The following SLC4A4 variants were observed in gnomAD, a reference collection of about 807,000 sequenced individuals.
The protein encoded by SLC4A4 is solute carrier family 4 member 4.
A neutral mutation model predicts 111.5 loss-of-function variants in SLC4A4; 27 were observed. The ratio of observed to expected loss-of-function variants is 0.24; its 90% CI spans 0.18 to 0.33. SLC4A4 has a LOEUF of 0.33. Among genes scored for constraint, SLC4A4 ranks in the 10% least tolerant of loss-of-function variants. The pLI, the probability that SLC4A4 is intolerant of heterozygous loss-of-function variation, is 1.00. For missense variants in SLC4A4, 909 were observed against 1,315.5 expected, an observed-to-expected ratio of 0.69 and a Z score of 4.78; for synonymous variants, 443 against 463.4, an observed-to-expected ratio of 0.96 and a Z score of 0.57.
intron 7 of SLC4A4, among the ~76,000 whole-genome samples, chr4:71,414,033 G>C (rs1721622759): frequency 6.6e-6 from 1 of 152,140 alleles, no homozygotes; most frequent in Admixed American, 6.5e-5. Flanking sequence ...GTGCAAAGAT[G>C]GTCTAATGCA....
intron 5 of SLC4A4, among the ~76,000 whole-genome samples, chr4:71,352,555 T>C (rs147139594): frequency 6.6e-6 from 1 of 151,922 alleles, no homozygotes; most frequent in East Asian, 1.9e-4. Flanking sequence ...TGTTGGGGAG[T>C]TTTAATTAAA....
intron 2 of SLC4A4, among the ~76,000 whole-genome samples, chr4:71,251,278 T>G (rs889000839): frequency 6.6e-6 from 1 of 152,214 alleles, no homozygotes; most frequent in African/African-American, 2.4e-5. Context: ...GTAAGTTTTT[T>G]GTTTGCCAGA....
At chr4:71,387,511 T>C (rs1314405290) in intron 6 of SLC4A4, among the ~76,000 whole-genome samples, 3 of 152,218 alleles carry the variant, frequency 2.0e-5, no homozygotes, top group Non-Finnish European at 4.4e-5. Context: ...TTTATTTTTT[T>C]GAAATAAAGT....
intron 2 of SLC4A4, among the ~76,000 whole-genome samples, chr4:71,115,152 C>T (rs995350282): frequency 2.8e-5 from 4 of 142,302 alleles, no homozygotes; most frequent in Admixed American, 7.6e-5. Flanking sequence ...CACATGGACA[C>T]AGGAAGGGGA....
At chr4:71,490,422 C>A (rs1729792945) in intron 15 of SLC4A4, among the ~76,000 whole-genome samples, 1 of 151,744 alleles carries the variant, frequency 6.6e-6, no homozygotes. Flanking sequence ...ACTATCCAAA[C>A]AAGATACAGG....
chr4:71,366,315 T>TTG (rs71673473), intron 6 of SLC4A4, among the ~76,000 whole-genome samples: 20,348 of 137,860 alleles, frequency 0.15, 1,566 homozygotes, highest in Admixed American at 0.24. Context: ...TCTGGAGATA[T>TTG]TGTGTGTGTG....
At chr4:71,165,465 ACAC>A (rs1219922462) in intron 2 of SLC4A4, among the ~76,000 whole-genome samples, 1 of 152,134 alleles carries the variant, frequency 6.6e-6, no homozygotes, top group Non-Finnish European at 1.5e-5. Context: ...AGAAAACCAA[ACAC>A]CACATGTTCT....
intron 1 of SLC4A4, among the ~76,000 whole-genome samples, chr4:71,077,449 A>G (rs937793797): frequency 1.3e-5 from 2 of 152,192 alleles, no homozygotes; most frequent in African/African-American, 4.8e-5. Context: ...GGCATGAGCC[A>G]TCTTGCCCAG....
intron 2 of SLC4A4, among the ~76,000 whole-genome samples, chr4:71,178,137 A>C (rs1045934622): frequency 6.8e-4 from 103 of 152,192 alleles, no homozygotes; most frequent in African/African-American, 2.4e-3. Flanking sequence ...CCAACGAGAA[A>C]AAAGACACAA....
At chr4:71,167,293 T>C (rs1289905643) in intron 2 of SLC4A4, among the ~76,000 whole-genome samples, 2 of 152,118 alleles carry the variant, frequency 1.3e-5, no homozygotes, top group Non-Finnish European at 2.9e-5. Context: ...ATTAGGACAA[T>C]TGGGTTTCTT....
At chr4:71,207,538 T>G (rs1406391208) in intron 1 of SLC4A4, among the ~76,000 whole-genome samples, 1 of 152,166 alleles carries the variant, frequency 6.6e-6, no homozygotes, top group African/African-American at 2.4e-5. Flanking sequence ...ACAAAAAAAC[T>G]AAATGAAGTC....
intron 6 of SLC4A4, among the ~76,000 whole-genome samples, chr4:71,370,115 T>A (rs1731727365): frequency 6.6e-6 from 1 of 152,232 alleles, no homozygotes; most frequent in Admixed American, 6.5e-5. Context: ...ATACTTTATG[T>A]TATGCTATTT....
intron 18 of SLC4A4, among the ~76,000 whole-genome samples, chr4:71,537,424 CAT>C (rs978743620): frequency 9.5e-4 from 24 of 25,264 alleles, no homozygotes; most frequent in East Asian, 3.1e-3. Flanking sequence ...TGTATATATA[CAT>C]ATATGTGTGT....
At chr4:71,180,073 A>G (rs1486930790) in intron 2 of SLC4A4, among the ~76,000 whole-genome samples, 1 of 152,214 alleles carries the variant, frequency 6.6e-6, no homozygotes, top group Non-Finnish European at 1.5e-5. Context: ...CTGATCTTTG[A>G]CAAACCTGAC....
chr4:71,392,409 G>A (rs900138198), intron 6 of SLC4A4, among the ~76,000 whole-genome samples: 6 of 152,066 alleles, frequency 3.9e-5, no homozygotes, highest in East Asian at 3.9e-4. Context: ...CCCCTCCAAC[G>A]TATATACTTC....
chr4:71,395,432 G>T (rs1719730443), intron 6 of SLC4A4, among the ~76,000 whole-genome samples: 1 of 152,160 alleles, frequency 6.6e-6, no homozygotes, highest in South Asian at 2.1e-4. Flanking sequence ...CTTAATACTA[G>T]TCTTCTCTTC....
At chr4:71,364,137 G>A (rs535741840) in intron 6 of SLC4A4, among the ~76,000 whole-genome samples, 203 of 152,172 alleles carry the variant, frequency 1.3e-3, no homozygotes, top group African/African-American at 4.7e-3. Context: ...AAACTCAAGT[G>A]GGTCTTTAGT....
intron 16 of SLC4A4, among the ~76,000 whole-genome samples, chr4:71,520,048 G>T (rs914125542): frequency 6.6e-6 from 1 of 152,182 alleles, no homozygotes; most frequent in Non-Finnish European, 1.5e-5. Flanking sequence ...CAGGTGTATA[G>T]ATTCTAATAT....
intron 2 of SLC4A4, among the ~76,000 whole-genome samples, chr4:71,241,055 G>T (rs1314812697): frequency 3.3e-5 from 5 of 152,094 alleles, no homozygotes; most frequent in Non-Finnish European, 4.4e-5. Context: ...GGAGATCAAG[G>T]CTACAGTGAA....
Sources: gnomAD v4.1 joint callset for allele counts (sites outside exome capture counted in the v4.1 genomes callset) on GRCh38, gnomAD v4.1.1 for gene constraint, MANE v1.5 for transcripts, NCBI Gene and HGNC (gene_info 2026-07-23, HGNC 2026-07-21) for gene names.